Variants in LYRM7 observed in about 807,000 individuals in gnomAD.
LYRM7 encodes the protein LYR motif containing 7.
A neutral mutation model predicts 15.8 loss-of-function variants in LYRM7; 9 were observed. The ratio of observed to expected loss-of-function variants is 0.57; its 90% CI spans 0.34 to 0.99. The LOEUF (loss-of-function observed/expected upper bound fraction) is 0.99, where lower values mean the gene tolerates loss of function less well. LYRM7 is among the 50% of genes least tolerant of loss of function. The probability of loss-of-function intolerance (pLI) is 0.02; values close to 1 mark genes in which losing one functional copy is unlikely to be tolerated. For synonymous variants in LYRM7, 39 were observed against 39.4 expected (o/e 0.99, Z 0.04); for missense variants, 115 against 119.1 (o/e 0.97, Z 0.16).
intron 3 of LYRM7, among the ~76,000 whole-genome samples, chr5:131,184,466 C>T (rs1449033167): frequency 6.6e-6 from 1 of 152,128 alleles, no homozygotes. Flanking sequence ...CTTAGCCTCC[C>T]AAAGTTCTGG....
At chr5:131,192,082 A>ACAC (rs1554090659) in intron 4 of LYRM7, among the ~76,000 whole-genome samples, 9 of 141,406 alleles carry the variant, frequency 6.4e-5, no homozygotes, top group Non-Finnish European at 1.3e-4. Context: ...CACACACACA[A>ACAC]TGCAATATTA....
chr5:131,196,780 C>T (rs1755971864), intron 4 of LYRM7, among the ~76,000 whole-genome samples: 1 of 151,988 alleles, frequency 6.6e-6, no homozygotes, highest in Non-Finnish European at 1.5e-5. Flanking sequence ...GATTCTCCTG[C>T]CTCAGCCTCC....
intron 1 of LYRM7, among the ~76,000 whole-genome samples, chr5:131,172,190 G>A (rs1192542165): frequency 1.3e-5 from 2 of 152,198 alleles, no homozygotes; most frequent in Admixed American, 1.3e-4. Flanking sequence ...GAGGCGAGAG[G>A]ATCACATGAG....
Position 131,194,334 on chromosome 5 carries a change from C to T in LYRM7, c.245-5197C>T, listed in dbSNP as rs145828008. 6.6e-3 allele frequency among the ~76,000 whole-genome samples: 1,012 copies of T among 152,192 alleles called. 17 individuals are homozygous for T. Among genetic ancestry groups the T allele is most frequent in the African/African-American group, 0.023 (959 of 41,534 alleles). On this transcript the variant is annotated intron_variant, in intron 4 of 4. Transcript: ENST00000379380. ...TCAGTTGTAAAATATCTTTTGATGC[C>T]AAAGATTATCCAATAAGGTGAATTG... is the stretch of plus-strand genomic sequence containing the variant.
chr5:131,195,207 G>T (rs891133277), intron 4 of LYRM7, among the ~76,000 whole-genome samples: 3 of 152,140 alleles, frequency 2.0e-5, no homozygotes, highest in Non-Finnish European at 4.4e-5. Flanking sequence ...GGCAGAGGTT[G>T]CAGTGAGCCG....
chr5:131,181,128 T>TA (rs1217418165), intron 2 of LYRM7, among the ~76,000 whole-genome samples: 11 of 149,246 alleles, frequency 7.4e-5, no homozygotes, highest in Non-Finnish European at 4.4e-5. Flanking sequence ...CCACCTCTAC[T>TA]AAAAATACAA....
At chr5:131,189,548 G>A (rs945106425) in intron 4 of LYRM7, among the ~76,000 whole-genome samples, 2 of 151,628 alleles carry the variant, frequency 1.3e-5, no homozygotes, top group African/African-American at 4.8e-5. Context: ...AGATGGGAGG[G>A]TCAAGATTTA....
Position 131,187,046 on chromosome 5 carries a change from G to A in LYRM7, c.181G>A (p.Asp61Asn), listed in dbSNP as rs780426663. The A allele has an allele frequency of 1.9e-6, 3 of 1,553,622 alleles. No individual in the cohort carries two copies. The Admixed American group carries it at 5.5e-5, about 29-fold the overall frequency. ...KIEELMKIGS[D>N]VELLLRTSVI... ...TTAACAGCTAATGAAAATAGGTTCT[G>A]ATGTTGAATTATTACTCAGAACATC... The change falls in exon 4 of 5, where the codon GAT becomes AAT. Residue 61 changes from aspartate to asparagine, a missense_variant. By Grantham distance (23) the Asp-to-Asn change is conservative. Coordinates refer to ENST00000379380, the MANE Select transcript of LYRM7 (RefSeq NM_181705.4).
At chr5:131,188,409 T>A (rs1277022682) in intron 4 of LYRM7, among the ~76,000 whole-genome samples, 1 of 129,456 alleles carries the variant, frequency 7.7e-6, no homozygotes. Context: ...AAGCCACATG[T>A]AAAAAAAAAA....
intron 1 of LYRM7, among the ~76,000 whole-genome samples, chr5:131,172,105 T>G (rs1363677584): frequency 6.6e-6 from 1 of 152,200 alleles, no homozygotes; most frequent in African/African-American, 2.4e-5. Context: ...AGCATATAAC[T>G]AGGATTTCAC....
In LYRM7 at chr5:131,184,640, C is replaced by CGGG. The variant is rs561008958; in HGVS notation, c.162+2349_162+2351dup. Among the ~76,000 whole-genome samples the CGGG allele has an allele frequency of 8.0e-3, 1,018 of 127,034 alleles. 6 individuals are homozygous for CGGG. The highest frequency in any genetic ancestry group is 0.015 in the African/African-American group (391 of 26,856). The allele number at this position is 127,034 out of a possible 152,430, so 83.3% of individuals were successfully genotyped here. The stretch of plus-strand genomic sequence containing the variant: ...GTCAGACAAATGGAATTTTTTTTGG[C>CGGG]GGGGGGGGGGTTCCAGGATTCATGC... On this transcript the variant is annotated intron_variant, in intron 3 of 4. Coordinates refer to ENST00000379380, the MANE Select transcript of LYRM7 (RefSeq NM_181705.4).
intron 4 of LYRM7, among the ~76,000 whole-genome samples, chr5:131,188,918 G>A (rs1192257636): frequency 2.0e-5 from 3 of 151,998 alleles, no homozygotes; most frequent in Admixed American, 6.6e-5. Flanking sequence ...AGGCCGAGGC[G>A]GGTGGATCAC....
At chr5:131,188,671 A>T (rs1755835045) in intron 4 of LYRM7, among the ~76,000 whole-genome samples, 1 of 152,198 alleles carries the variant, frequency 6.6e-6, no homozygotes, top group African/African-American at 2.4e-5. Context: ...TATATGTATT[A>T]CAAGAATCTT....
At chr5:131,172,456 A>G (rs562829112) in intron 1 of LYRM7, among the ~76,000 whole-genome samples, 1 of 152,302 alleles carries the variant, frequency 6.6e-6, no homozygotes, top group South Asian at 2.1e-4. Context: ...GGAAGTTCAG[A>G]CCTGACGTTT....
intron 2 of LYRM7, among the ~76,000 whole-genome samples, chr5:131,181,275 GA>G (rs1195878324): frequency 0.081 from 663 of 8,222 alleles, 55 homozygotes; most frequent in Middle Eastern, 0.12. Flanking sequence ...GACTCCATCT[GA>G]AAAAAAAAAA....
rs866963873 is a variant in LYRM7, at chr5:131,205,115, G to C, written c.*5514G>C. 2.6e-5 allele frequency: 4 copies of C among 152,180 alleles called. No homozygotes were observed. The highest frequency in any genetic ancestry group is 7.2e-5 in the African/African-American group (3 of 41,418). 9.4% of individuals were successfully genotyped at this position (152,180 alleles called of 1,614,324 possible). On this transcript the variant is annotated 3_prime_UTR_variant, in exon 5 of 5. Transcript: ENST00000379380. ...TACATTTTGCCATGTTTGTTTAAAG[G>C]TCTAAGTCATAAAATCTTATAAAGC...
chr5:131,172,441 C>T (rs1755537888), intron 1 of LYRM7, among the ~76,000 whole-genome samples: 1 of 152,060 alleles, frequency 6.6e-6, no homozygotes, highest in Non-Finnish European at 1.5e-5. Flanking sequence ...TAAATAATCT[C>T]TCAAGGAAGT....
intron 3 of LYRM7, among the ~76,000 whole-genome samples, chr5:131,184,899 T>A (rs1755771722): frequency 6.6e-6 from 1 of 152,166 alleles, no homozygotes; most frequent in South Asian, 2.1e-4. Context: ...CTCCTTTTGA[T>A]GCTCAGACCA....
At position 131,205,025 on chromosome 5, in the gene LYRM7, A is replaced by G. The variant is rs1050754625; in HGVS notation, c.*5424A>G. The G allele has an allele frequency of 2.9e-4, 44 of 152,186 alleles. No homozygotes were observed. Among genetic ancestry groups the G allele is most frequent in the Non-Finnish European group, 1.9e-4 (13 of 68,028 alleles). The allele number at this position is 152,186 out of a possible 1,614,324, so 9.4% of individuals were successfully genotyped here. A position where few individuals can be genotyped will look rare whatever the true frequency, so the allele number is the denominator to read the frequency against. ...TTTTTAATATAAAATTAACTATAAA[A>G]TATTTTAAATATTAGCAAATAATAT... On this transcript the variant is annotated 3_prime_UTR_variant, in exon 5 of 5. Transcript: ENST00000379380.
Sources: gnomAD v4.1 joint callset for allele counts (sites outside exome capture counted in the v4.1 genomes callset) on GRCh38, gnomAD v4.1.1 for gene constraint, MANE v1.5 for transcripts, NCBI Gene and HGNC (gene_info 2026-07-23, HGNC 2026-07-21) for gene names.